LRP1B: variants seen among roughly 807,000 people sequenced by gnomAD.
The protein encoded by LRP1B is low-density lipoprotein receptor-related protein 1B.
A neutral mutation model predicts 556.6 loss-of-function variants in LRP1B; 217 were observed. That is an observed-to-expected ratio of 0.39 (90% CI 0.35 to 0.44). The LOEUF (loss-of-function observed/expected upper bound fraction) is 0.44, where lower values mean the gene tolerates loss of function less well. Ranked by LOEUF, LRP1B falls within the 20% of genes least tolerant of loss-of-function variation. The pLI, the probability that LRP1B is intolerant of heterozygous loss-of-function variation, is 1.00. For missense variants in LRP1B, 5,053 were observed against 5,620.8 expected, an observed-to-expected ratio of 0.90 and a Z score of 3.23; for synonymous variants, 2,047 against 1,865.8, an observed-to-expected ratio of 1.10 and a Z score of -2.50.
At chr2:141,398,280 T>C (rs1275312606) in intron 3 of LRP1B, among the ~76,000 whole-genome samples, 1 of 152,168 alleles carries the variant, frequency 6.6e-6, no homozygotes, top group Non-Finnish European at 1.5e-5. Flanking sequence ...GTAAAAGAAC[T>C]GTCAAATATT....
At chr2:140,360,112 A>T (rs748882647) in intron 72 of LRP1B, among the ~76,000 whole-genome samples, 2 of 151,690 alleles carry the variant, frequency 1.3e-5, no homozygotes, top group African/African-American at 4.8e-5. Context: ...AAATCAGTTT[A>T]ACATATTCAT....
rs181784101 is a variant in LRP1B, at chr2:140,234,113, A to G, written c.13659+673T>C. 5.3e-5 allele frequency among the ~76,000 whole-genome samples: 8 copies of G among 151,450 alleles called. No homozygotes were observed. In the Admixed American group the frequency reaches 5.3e-4, roughly 10 times the overall value. On this transcript the variant is annotated intron_variant, in intron 90 of 90. Coordinates refer to ENST00000389484, the MANE Select transcript of LRP1B (RefSeq NM_018557.3). ...AAAAACAGTACATTAAATCTTAGTT[A>G]CAACAAGGAAACATTATAATCTTTG...
At chr2:140,555,665 T>C (rs1359244114) in intron 43 of LRP1B, among the ~76,000 whole-genome samples, 3 of 152,116 alleles carry the variant, frequency 2.0e-5, no homozygotes, top group Non-Finnish European at 4.4e-5. Context: ...CTTTATTTTT[T>C]AAAGTGTTGC....
intron 20 of LRP1B, among the ~76,000 whole-genome samples, chr2:140,947,075 A>G (rs1291065496): frequency 6.6e-6 from 1 of 152,216 alleles, no homozygotes; most frequent in African/African-American, 2.4e-5. Context: ...TATGTTCACT[A>G]TCTGGGTGAC....
At chr2:140,604,747 C>T (rs1057288572) in intron 41 of LRP1B, among the ~76,000 whole-genome samples, 6 of 152,124 alleles carry the variant, frequency 3.9e-5, no homozygotes, top group African/African-American at 1.4e-4. Flanking sequence ...ATTGTAGCTC[C>T]CATAATCTCC....
intron 2 of LRP1B, among the ~76,000 whole-genome samples, chr2:141,796,581 T>G (rs1027289693): frequency 1.7e-4 from 20 of 120,550 alleles, no homozygotes; most frequent in Non-Finnish European, 2.8e-4. Flanking sequence ...TTTTATTCTT[T>G]TTTTTTTTTT....
intron 7 of LRP1B, among the ~76,000 whole-genome samples, chr2:141,165,361 A>C (rs939782517): frequency 8.8e-6 from 1 of 113,238 alleles, no homozygotes; most frequent in Non-Finnish European, 1.9e-5. Flanking sequence ...TATTTATTGG[A>C]TATATCTGTA....
intron 14 of LRP1B, among the ~76,000 whole-genome samples, chr2:141,006,103 T>C (rs1697566899): frequency 6.6e-6 from 1 of 151,976 alleles, no homozygotes; most frequent in Non-Finnish European, 1.5e-5. Flanking sequence ...ATAACATACA[T>C]TATTCATGAA....
At chr2:141,615,329 C>T (rs1473063240) in intron 2 of LRP1B, among the ~76,000 whole-genome samples, 1 of 152,160 alleles carries the variant, frequency 6.6e-6, no homozygotes, top group Admixed American at 6.5e-5. Flanking sequence ...CAGTTTAATA[C>T]ATGATATTCA....
At chr2:140,907,833 T>C in intron 22 of LRP1B, 44 bp downstream of exon 22, 2 of 1,539,410 alleles carry the variant, frequency 1.3e-6, no homozygotes, top group South Asian at 1.1e-5. Context: ...AACTAAAAGG[T>C]TGTAGTTTTC....
intron 1 of LRP1B, among the ~76,000 whole-genome samples, chr2:142,117,008 CTTTTCT>C (rs1170391522): frequency 6.6e-6 from 1 of 151,720 alleles, no homozygotes; most frequent in Admixed American, 6.6e-5. Flanking sequence ...CCCTTTTTTT[CTTTTCT>C]TTATTTCCTT....
intron 7 of LRP1B, among the ~76,000 whole-genome samples, chr2:141,117,336 C>T (rs1207708322): frequency 6.7e-6 from 1 of 149,894 alleles, no homozygotes; most frequent in Admixed American, 6.6e-5. Flanking sequence ...TTTTGTGTCA[C>T]TTTTAGTGGA....
intron 7 of LRP1B, among the ~76,000 whole-genome samples, chr2:141,089,155 T>C (rs1201413372): frequency 6.6e-6 from 1 of 152,220 alleles, no homozygotes; most frequent in Non-Finnish European, 1.5e-5. Flanking sequence ...ATAGTTTGAA[T>C]AGAAGACTAA....
chr2:140,904,415 A>G (rs1218332540), intron 22 of LRP1B, among the ~76,000 whole-genome samples: 1 of 147,744 alleles, frequency 6.8e-6, no homozygotes, highest in African/African-American at 2.5e-5. Context: ...TGCTAAAAAG[A>G]CTATTGTCTA....
intron 20 of LRP1B, 77 bp from the exon 21 acceptor site, chr2:140,923,224 T>A (rs2105259324): frequency 1.7e-6 from 2 of 1,152,808 alleles, no homozygotes; most frequent in Non-Finnish European, 2.5e-6. Context: ...TGTTGGTAGT[T>A]TTTATTTCAC....
At position 140,725,442 on chromosome 2, in the gene LRP1B, A is replaced by C. The variant is rs2105484052; in HGVS notation, c.5759-8626T>G. Among the ~76,000 whole-genome samples the C allele has an allele frequency of 2.0e-5, 3 of 149,324 alleles. No homozygotes were observed. In the South Asian group the frequency reaches 6.4e-4, roughly 32 times the overall value. ...ATTTCTGGAAACATGTCATAAGGAC[A>C]TTTATTATAATAGCGTAAAAACTCC... On this transcript the variant is annotated intron_variant, in intron 35 of 90. Coordinates refer to ENST00000389484, the MANE Select transcript of LRP1B (RefSeq NM_018557.3).
chr2:141,394,300 C>A (rs1177423439), intron 3 of LRP1B, among the ~76,000 whole-genome samples: 1 of 151,998 alleles, frequency 6.6e-6, no homozygotes, highest in East Asian at 1.9e-4. Context: ...TAAAATAAGA[C>A]CATTTTAGTC....
chr2:141,265,866 T>G (rs1044967618), intron 3 of LRP1B, among the ~76,000 whole-genome samples: 1 of 152,210 alleles, frequency 6.6e-6, no homozygotes, highest in Non-Finnish European at 1.5e-5. Flanking sequence ...AAAATATTTG[T>G]GCTCTCCCTT....
intron 23 of LRP1B, among the ~76,000 whole-genome samples, chr2:140,900,293 T>G (rs1174916423): frequency 2.0e-5 from 3 of 152,230 alleles, no homozygotes; most frequent in Admixed American, 6.5e-5. Flanking sequence ...AAAACAAACA[T>G]CTGGAGCCAA....
Sources: allele counts gnomAD v4.1 joint callset (sites outside exome capture counted in the v4.1 genomes callset), GRCh38; gene constraint gnomAD v4.1.1; transcripts MANE v1.5; gene names NCBI Gene and HGNC (gene_info 2026-07-23, HGNC 2026-07-21).